DOCK3: variants seen among roughly 807,000 people sequenced by gnomAD.
DOCK3 encodes dedicator of cytokinesis protein 3.
A neutral mutation model predicts 265.6 loss-of-function variants in DOCK3; 60 were observed. That is an observed-to-expected ratio of 0.23 (90% CI 0.18 to 0.28). DOCK3 has a LOEUF of 0.28. DOCK3 is among the 10% of genes least tolerant of loss of function. The pLI is 1.00. For synonymous variants in DOCK3, 881 were observed against 938.0 expected (o/e 0.94, Z 1.11); for missense variants, 1,981 against 2,594.3 (o/e 0.76, Z 5.14).
At chr3:51,012,042 G>C (rs1233149811) in intron 5 of DOCK3, among the ~76,000 whole-genome samples, 1 of 152,138 alleles carries the variant, frequency 6.6e-6, no homozygotes, top group African/African-American at 2.4e-5. Context: ...CTACTGGGGG[G>C]TCCCTCCCAG....
chr3:50,820,155 T>C (rs1204454016), intron 2 of DOCK3, among the ~76,000 whole-genome samples: 2 of 152,204 alleles, frequency 1.3e-5, no homozygotes, highest in Non-Finnish European at 2.9e-5. Flanking sequence ...ATGCCGCTGC[T>C]CTGTCTGTAG....
At chr3:51,329,376 A>T (rs527800208) in intron 32 of DOCK3, among the ~76,000 whole-genome samples, 1 of 152,290 alleles carries the variant, frequency 6.6e-6, no homozygotes, top group African/African-American at 2.4e-5. Context: ...CACAGGTACC[A>T]ATCAATCAAC....
At chr3:51,220,664 A>T (rs1235782510) in intron 14 of DOCK3, among the ~76,000 whole-genome samples, 3 of 99,910 alleles carry the variant, frequency 3.0e-5, no homozygotes, top group South Asian at 4.0e-4. Context: ...CTCAAAAAAA[A>T]AAAAAAATAT....
At chr3:50,818,981 A>G (rs977025227) in intron 2 of DOCK3, among the ~76,000 whole-genome samples, 1 of 151,812 alleles carries the variant, frequency 6.6e-6, no homozygotes, top group South Asian at 2.1e-4. Context: ...ATTCTAAAGT[A>G]TGTAAAACAT....
chr3:50,736,007 C>T lies in DOCK3; in HGVS notation c.38-42668C>T, dbSNP rs183778361. On this transcript the variant is annotated intron_variant, in intron 1 of 52. Coordinates refer to ENST00000266037, the MANE Select transcript of DOCK3 (RefSeq NM_004947.5). ...TGTTGGTGTGCTGCACCCATTAACT[C>T]GTCATTTACATTAGGTATATCTCCT... 7.8e-3 allele frequency among the ~76,000 whole-genome samples: 1,183 copies of T among 152,222 alleles called. 14 individuals carry two copies. The highest frequency in any genetic ancestry group is 0.027 in the African/African-American group (1,118 of 41,526).
At chr3:51,135,651 G>C (rs141674111) in intron 9 of DOCK3, among the ~76,000 whole-genome samples, 1 of 152,114 alleles carries the variant, frequency 6.6e-6, no homozygotes, top group African/African-American at 2.4e-5. Context: ...TTCTTCACAC[G>C]TAAATAATCC....
chr3:50,799,591 T>C (rs2108662153), intron 2 of DOCK3, among the ~76,000 whole-genome samples: 2 of 152,338 alleles, frequency 1.3e-5, no homozygotes, highest in East Asian at 3.9e-4. Context: ...AGTTTATCAG[T>C]TCTAAGAGTA....
chr3:50,711,966 A>G (rs917234587), intron 1 of DOCK3, among the ~76,000 whole-genome samples: 1 of 152,176 alleles, frequency 6.6e-6, no homozygotes, highest in African/African-American at 2.4e-5. Context: ...ACAGTTGTCC[A>G]TAATGTTCTT....
chr3:50,928,133 AT>A (rs1300186586), intron 4 of DOCK3, among the ~76,000 whole-genome samples: 3 of 28,708 alleles, frequency 1.0e-4, no homozygotes, highest in Non-Finnish European at 1.6e-4. Context: ...GTGATGATAT[AT>A]ATATATATAT....
At chr3:50,994,189 A>G (rs1559911310) in intron 5 of DOCK3, among the ~76,000 whole-genome samples, 1 of 152,214 alleles carries the variant, frequency 6.6e-6, no homozygotes, top group African/African-American at 2.4e-5. Context: ...TTGAGATAGA[A>G]TTAGTGAGAG....
chr3:51,158,478 A>T (rs2085965829), intron 10 of DOCK3, among the ~76,000 whole-genome samples: 1 of 152,170 alleles, frequency 6.6e-6, no homozygotes, highest in Admixed American at 6.5e-5. Context: ...CCAGAGGACA[A>T]GGCTGCAGTG....
At chr3:51,147,920 TC>T (rs2085382563) in intron 10 of DOCK3, among the ~76,000 whole-genome samples, 1 of 152,210 alleles carries the variant, frequency 6.6e-6, no homozygotes, top group South Asian at 2.1e-4. Flanking sequence ...CGCCACACTA[TC>T]TTCCACAATG....
chr3:51,271,924 A>G (rs920278540), intron 24 of DOCK3, among the ~76,000 whole-genome samples: 2 of 151,360 alleles, frequency 1.3e-5, no homozygotes, highest in Non-Finnish European at 2.9e-5. Context: ...TTGCCATACC[A>G]TTCGATACCT....
chr3:50,803,774 C>T (rs578251434), intron 2 of DOCK3, among the ~76,000 whole-genome samples: 46 of 145,676 alleles, frequency 3.2e-4, no homozygotes, highest in African/African-American at 7.8e-4. Context: ...CTGGACAGGG[C>T]GGCTGGCTGG....
At chr3:50,851,876 CA>C (rs1407479049) in intron 3 of DOCK3, among the ~76,000 whole-genome samples, 3 of 152,232 alleles carry the variant, frequency 2.0e-5, no homozygotes, top group African/African-American at 7.2e-5. Context: ...GCCAGATTGC[CA>C]AAGAATGGCT....
At position 51,348,874 on chromosome 3, in the gene DOCK3, T is replaced by G. The variant is rs1402183260; in HGVS notation, c.3938T>G (p.Leu1313Arg). 1.3e-5 allele frequency: 21 copies of G among 1,584,038 alleles called. No homozygotes were observed. The highest frequency in any genetic ancestry group is 1.8e-5 in the Non-Finnish European group (21 of 1,165,018). The change falls in exon 39 of 53, where the codon CTG becomes CGG. Residue 1313 changes from leucine (L) to arginine (R), a missense_variant. Leu to Arg is a moderately radical substitution (Grantham distance 102). This residue lies in a region of DOCK3 where 1,357 missense variants were observed against 1,866.8 expected (regional missense o/e 0.73). Transcript: ENST00000266037. The part of the protein sequence containing the change: ...KGKSWEFGIP[L>R]CRELACQYES... ...CAGAGCTGGGAGTTTGGGATCCCAC[T>G]GTGCAGGGAGCTGGCGTGTCAGTAC...
intron 5 of DOCK3, among the ~76,000 whole-genome samples, chr3:51,028,380 A>G (rs2079906295): frequency 6.6e-6 from 1 of 151,834 alleles, no homozygotes; most frequent in Non-Finnish European, 1.5e-5. Context: ...TTGATCTTGG[A>G]TAATCAGAAT....
chr3:50,960,488 T>G (rs2076857491), intron 5 of DOCK3, among the ~76,000 whole-genome samples: 1 of 152,186 alleles, frequency 6.6e-6, no homozygotes, highest in Non-Finnish European at 1.5e-5. Context: ...TGGCCATTTA[T>G]GTGTCTTTCT....
chr3:50,772,219 C>T (rs2041319691), intron 1 of DOCK3, among the ~76,000 whole-genome samples: 1 of 152,246 alleles, frequency 6.6e-6, no homozygotes, highest in East Asian at 1.9e-4. Context: ...CATGTTATCA[C>T]TTATTTGTGG....
Sources: gnomAD v4.1 joint callset for allele counts (sites outside exome capture counted in the v4.1 genomes callset) on GRCh38, gnomAD v4.1.1 for gene constraint, gnomAD v4.1.1 regional missense constraint, MANE v1.5 for transcripts, NCBI Gene and HGNC (gene_info 2026-07-23, HGNC 2026-07-21) for gene names.